The following SFI1 variants were observed in gnomAD, a reference collection of about 807,000 sequenced individuals.
SFI1 encodes the protein protein SFI1 homolog.
SFI1 carries 195 observed loss-of-function variants against 207.5 expected under a neutral mutation model. The observed-to-expected ratio is 0.94, with a 90% CI of 0.84 to 1.06. SFI1 has a LOEUF of 1.06. SFI1 is among the 50% of genes least tolerant of loss of function. The pLI is 0.00. For missense variants in SFI1, 1,634 were observed against 1,588.0 expected (o/e 1.03, Z -0.49); for synonymous variants, 630 against 598.9 (o/e 1.05, Z -0.76).
chr22:31,618,538 A>AT lies in SFI1; in HGVS notation c.*122dup. Reference sequence around the variant, plus strand: ...TTCAAAATGCTTTGCAATTAAATGAATTACTGTTCAGAAGTCTCCCACTTT... The same window carrying AT: ...TTCAAAATGCTTTGCAATTAAATGAATTTACTGTTCAGAAGTCTCCCACTTT... On this transcript the variant is annotated 3_prime_UTR_variant, in exon 33 of 33. Transcript: ENST00000400288. 1 of 1,052,680 alleles carries AT rather than the reference A, an allele frequency of 9.5e-7. No homozygotes were observed. The highest frequency in any genetic ancestry group is 1.3e-6 in the Non-Finnish European group (1 of 770,208). 65.2% of individuals were successfully genotyped at this position (1,052,680 alleles called of 1,614,324 possible).
At chr22:31,596,303 G>A (rs1273604991) in intron 15 of SFI1, among the ~76,000 whole-genome samples, 1 of 151,932 alleles carries the variant, frequency 6.6e-6, no homozygotes, top group Non-Finnish European at 1.5e-5. Context: ...CCATCTGGAG[G>A]GCTTTGAATG....
In SFI1 at chr22:31,613,530, G is replaced by C; in HGVS notation, c.2742G>C (p.Gln914His). The change falls in exon 26 of 33, where the codon CAG becomes CAC. Residue 914 changes from glutamine to histidine, a missense_variant and splice_region_variant. Transcript: ENST00000400288. The part of the protein sequence containing the change: ...RQQLQAQQQV[Q>H]AAHSLHRAVR... ...AGCTGCAGGCCCAGCAGCAGGTCCA[G>C]GTAGGCCCAGGGCCCCTTCCTGTGG... 1.9e-6 allele frequency: 3 copies of C among 1,588,108 alleles called. No homozygotes were observed. Among genetic ancestry groups the C allele is most frequent in the South Asian group, 1.1e-5 (1 of 89,412 alleles).
At chr22:31,569,811 T>C (rs1017535165) in intron 8 of SFI1, among the ~76,000 whole-genome samples, 3 of 151,954 alleles carry the variant, frequency 2.0e-5, no homozygotes, top group African/African-American at 7.2e-5. Flanking sequence ...TATCCTGTTA[T>C]GGTGGCATGT....
chr22:31,536,872 T>G (rs752790230), intron 4 of SFI1, among the ~76,000 whole-genome samples: 4 of 152,052 alleles, frequency 2.6e-5, no homozygotes, highest in Non-Finnish European at 4.4e-5. Context: ...CTGAAACAAA[T>G]TGAGATTTGT....
intron 1 of SFI1, among the ~76,000 whole-genome samples, chr22:31,497,589 A>T (rs141168262): frequency 0.011 from 1,606 of 152,270 alleles, 9 homozygotes; most frequent in Middle Eastern, 0.031. Flanking sequence ...AGGCCAATTA[A>T]TAGCCCCACA....
intron 2 of SFI1, among the ~76,000 whole-genome samples, chr22:31,509,642 C>T (rs531682965): frequency 3.9e-4 from 60 of 152,306 alleles, no homozygotes; most frequent in Admixed American, 1.7e-3. Context: ...CTTCTGGCAA[C>T]GCCCAGATAC....
intron 8 of SFI1, among the ~76,000 whole-genome samples, chr22:31,567,298 A>G (rs971268672): frequency 2.0e-5 from 3 of 152,330 alleles, no homozygotes; most frequent in Middle Eastern, 3.4e-3. Flanking sequence ...TGAATTTGAT[A>G]TATCTCATAA....
intron 10 of SFI1, among the ~76,000 whole-genome samples, chr22:31,577,431 C>T (rs1022112724): frequency 6.6e-6 from 1 of 152,116 alleles, no homozygotes; most frequent in Non-Finnish European, 1.5e-5. Flanking sequence ...GACAGGGTCA[C>T]ATGTTGCCCA....
rs2062419894 is a variant in SFI1 at position 31,567,300 on chromosome 22, A to G, written c.766-5758A>G. On this transcript the variant is annotated intron_variant, in intron 8 of 32. Transcript: ENST00000400288. ...GTCATTTCATCTTTGAATTTGATATATCTCATAATATATTGCTGAGCTTGA... is the reference window on the plus strand; with the variant it reads ...GTCATTTCATCTTTGAATTTGATATGTCTCATAATATATTGCTGAGCTTGA... 5.3e-5 allele frequency among the ~76,000 whole-genome samples: 8 copies of G among 152,196 alleles called. No homozygotes were observed. In the South Asian group the frequency reaches 1.7e-3, roughly 31 times the overall value.
intron 1 of SFI1, among the ~76,000 whole-genome samples, chr22:31,500,860 C>A (rs1022838093): frequency 4.6e-5 from 7 of 150,814 alleles, no homozygotes; most frequent in African/African-American, 1.7e-4. Flanking sequence ...AATGCAATGG[C>A]GTGATCTCGG....
intron 2 of SFI1, among the ~76,000 whole-genome samples, chr22:31,527,696 C>T (rs539753227): frequency 9.2e-5 from 14 of 152,204 alleles, no homozygotes; most frequent in Middle Eastern, 3.4e-3. Flanking sequence ...GAGATCAGGC[C>T]GGGTACAGTG....
chr22:31,524,527 A>G (rs921543051), intron 2 of SFI1, among the ~76,000 whole-genome samples: 6 of 151,394 alleles, frequency 4.0e-5, no homozygotes, highest in East Asian at 2.0e-4. Context: ...GGCTCAAGCT[A>G]TCCTCTCAGA....
chr22:31,502,219 A>G (rs542416085), intron 1 of SFI1, among the ~76,000 whole-genome samples: 1 of 152,272 alleles, frequency 6.6e-6, no homozygotes, highest in South Asian at 2.1e-4. Context: ...TGTTACAGGA[A>G]CTTAAATCTT....
At chr22:31,614,925 G>A (rs1195254535) in intron 28 of SFI1, 65 bp downstream of exon 28, 1 of 1,589,598 alleles carries the variant, frequency 6.3e-7, no homozygotes, top group Non-Finnish European at 8.6e-7. Context: ...AAGGCAGCGG[G>A]CACCTCCATG....
At chr22:31,500,885 C>T (rs1412368827) in intron 1 of SFI1, among the ~76,000 whole-genome samples, 4 of 147,812 alleles carry the variant, frequency 2.7e-5, no homozygotes, top group East Asian at 2.1e-4. Context: ...CTACAACCTC[C>T]GTCTCCCAGG....
chr22:31,525,003 A>C (rs1487982571), intron 2 of SFI1, among the ~76,000 whole-genome samples: 1 of 151,902 alleles, frequency 6.6e-6, no homozygotes, highest in Admixed American at 6.6e-5. Context: ...CATGTTGGCC[A>C]GGCTGGTCTT....
intron 22 of SFI1, among the ~76,000 whole-genome samples, chr22:31,609,852 T>C (rs112544244): frequency 0.011 from 1,663 of 152,326 alleles, 36 homozygotes; most frequent in African/African-American, 0.038. Context: ...ACCGTGCAGC[T>C]TCAAGCTCCA....
intron 22 of SFI1, among the ~76,000 whole-genome samples, chr22:31,610,632 A>G (rs1005860507): frequency 6.6e-6 from 1 of 152,192 alleles, no homozygotes; most frequent in African/African-American, 2.4e-5. Context: ...TGCAGAACCC[A>G]GGGAGCCAGA....
chr22:31,618,407 G>A lies in SFI1; in HGVS notation c.3718G>A (p.Ala1240Thr). Residue 1240 changes from alanine to threonine, a missense_variant, in exon 33 of 33, where the codon GCC (alanine) becomes ACC (threonine). Transcript: ENST00000400288. ...TGCCCGCATCCAGGCCCTGCGGCAG[G>A]CCCTGTGCTAGCGTGTTCGCACCAG... ...CVARIQALRQ[A>T]LC is the part of the protein sequence containing the mutation. 6.3e-7 allele frequency: 1 copy of A among 1,590,774 alleles called. No homozygotes were observed. The highest frequency in any genetic ancestry group is 8.6e-7 in the Non-Finnish European group (1 of 1,166,760).
Sources: allele counts gnomAD v4.1 joint callset (sites outside exome capture counted in the v4.1 genomes callset), GRCh38; gene constraint gnomAD v4.1.1; transcripts MANE v1.5; gene names NCBI Gene and HGNC (gene_info 2026-07-23, HGNC 2026-07-21).